TMEM204: variants seen among roughly 807,000 people sequenced by gnomAD.
TMEM204 encodes claudin-like protein 24.
TMEM204 carries 15 observed loss-of-function variants against 19.4 expected under a neutral mutation model. That is an observed-to-expected ratio of 0.77 (90% confidence interval 0.52 to 1.19). The LOEUF is 1.19. TMEM204 is among the 50% of genes most tolerant of loss of function. The pLI is 0.00. For synonymous variants in TMEM204, 161 were observed against 146.0 expected, an observed-to-expected ratio of 1.10 and a Z score of -0.74; for missense variants, 287 against 321.2, an observed-to-expected ratio of 0.89 and a Z score of 0.81.
chr16:1,536,039 G>A (rs1229863436), intron 1 of TMEM204, among the ~76,000 whole-genome samples: 2 of 152,230 alleles, frequency 1.3e-5, no homozygotes, highest in African/African-American at 4.8e-5. Flanking sequence ...CTGGAGGTGG[G>A]GCCGGGCGCT....
intron 2 of TMEM204, among the ~76,000 whole-genome samples, chr16:1,543,654 G>A (rs1231877723): frequency 6.6e-6 from 1 of 152,212 alleles, no homozygotes; most frequent in Admixed American, 6.5e-5. Context: ...CTGTAAGAAC[G>A]AATGAGACAG....
At chr16:1,531,577 C>T (rs2030497611), upstream of TMEM204, 1 of 152,288 alleles carries the variant, frequency 6.6e-6, no homozygotes, top group African/African-American at 2.4e-5. The surrounding 1 kb of genome is among the most constrained non-coding windows in gnomAD (Gnocchi z 4.7). Flanking sequence ...CACCGCCCAG[C>T]TGCGAGTCCC....
Position 1,553,204 on chromosome 16 carries a change from G to T in TMEM204, c.437-1578G>T, listed in dbSNP as rs1355740839. 2 of 981,796 alleles carry T rather than the reference G, an allele frequency of 2.0e-6. No homozygotes were observed. Among genetic ancestry groups the T allele is most frequent in the East Asian group, 2.3e-4 (2 of 8,808 alleles). 60.8% of individuals were successfully genotyped at this position (981,796 alleles called of 1,614,324 possible). A position where few individuals can be genotyped will look rare whatever the true frequency, so the allele number is the denominator to read the frequency against. ...TCTGTCTCTCCTTCCCTGTGTCTCT[G>T]TCTCTGTCTCTCTCTGTCTCCATCT... On this transcript the variant is annotated intron_variant, in intron 2 of 2. Transcript: ENST00000566264. This position sits in a 1 kb window ranked among gnomAD's most constrained non-coding sequence, Gnocchi z 4.4.
rs1329922092 is a variant in TMEM204, at chr16:1,553,743, AGGGGATGAGGAG to A, written c.437-1035_437-1024del. The A allele has an allele frequency of 1.7e-6, 2 of 1,150,482 alleles. No homozygotes were observed. Among genetic ancestry groups the A allele is most frequent in the Non-Finnish European group, 2.2e-6 (2 of 920,606 alleles). The allele number at this position is 1,150,482 out of a possible 1,614,324, so 71.3% of individuals were successfully genotyped here. On this transcript the variant is annotated intron_variant, in intron 2 of 2. Coordinates refer to ENST00000566264, the MANE Select transcript of TMEM204 (RefSeq NM_024600.6). This position sits in a 1 kb window ranked among gnomAD's most constrained non-coding sequence, Gnocchi z 4.4. ...TCTGTGGCCACATCCCCATGGCTGT[AGGGGATGAGGAG>A]GGGCAGGGCCATGTGGACAGCCTCT...
Position 1,534,550 on chromosome 16 carries a change from T to C in TMEM204, c.275T>C (p.Val92Ala). ...GGCTTCCAGGAGTCCCGAGGCACCG[T>C]CAAACGTAAGTCCAATTGTTTTCCT... ...AAGFQESRGT[V>A]KLQFDMMRAC... is the part of the protein sequence containing the mutation. The change falls in exon 1 of 3, where the codon GTC becomes GCC. Residue 92 changes from valine (V) to alanine (A), a missense_variant. Val to Ala is a moderately conservative substitution (Grantham distance 64, BLOSUM62 0). Coordinates refer to ENST00000566264, the MANE Select transcript of TMEM204 (RefSeq NM_024600.6). 1 of 1,602,766 alleles carries C rather than the reference T, an allele frequency of 6.2e-7. No homozygotes were observed. Among genetic ancestry groups the C allele is most frequent in the Non-Finnish European group, 8.5e-7 (1 of 1,179,842 alleles).
chr16:1,541,474 G>GC, intron 1 of TMEM204: 2 of 985,384 alleles, frequency 2.0e-6, no homozygotes, highest in Non-Finnish European at 2.4e-6. Flanking sequence ...TGAGGAGCTG[G>GC]CCCCCCGCGG....
At position 1,541,961 on chromosome 16, in the gene TMEM204, G is replaced by C; in HGVS notation, c.321G>C (p.Thr107=). The change falls in exon 2 of 3, where the codon ACG becomes ACC. Residue 107 remains threonine, a synonymous_variant. Coordinates refer to ENST00000566264, the MANE Select transcript of TMEM204 (RefSeq NM_024600.6). ...DMMRACNLVA[T]AALTAGQLTF... ...TGCGCGCCTGCAACCTGGTGGCCAC[G>C]GCCGCGCTCACCGCAGGCCAGCTCA... The C allele has an allele frequency of 1.2e-6, 2 of 1,609,878 alleles. No homozygotes were observed. Among genetic ancestry groups the C allele is most frequent in the Non-Finnish European group, 1.7e-6 (2 of 1,179,260 alleles).
upstream of TMEM204, among the ~76,000 whole-genome samples, chr16:1,529,843 G>A (rs1042037578): frequency 4.6e-5 from 7 of 152,194 alleles, no homozygotes; most frequent in South Asian, 2.1e-4. Flanking sequence ...TCCCCAGAAC[G>A]CTGCTGGGCC....
chr16:1,544,858 C>T (rs1357060320), intron 2 of TMEM204, among the ~76,000 whole-genome samples: 2 of 151,930 alleles, frequency 1.3e-5, no homozygotes, highest in South Asian at 2.1e-4. Context: ...CCGTGTTAGC[C>T]AGGATGGTCT....
intron 1 of TMEM204, chr16:1,541,585 G>A (rs1425114347): frequency 5.0e-6 from 4 of 803,104 alleles, no homozygotes; most frequent in Non-Finnish European, 6.0e-6. Context: ...CCACCCCCAC[G>A]CCAGCGCCTT....
intron 1 of TMEM204, among the ~76,000 whole-genome samples, chr16:1,536,856 C>T (rs1000865726): frequency 6.6e-6 from 1 of 152,248 alleles, no homozygotes; most frequent in Non-Finnish European, 1.5e-5. Flanking sequence ...ATTCGCTGCC[C>T]CCACTCACGT....
At chr16:1,535,600 C>A (rs1297021989) in intron 1 of TMEM204, among the ~76,000 whole-genome samples, 1 of 152,186 alleles carries the variant, frequency 6.6e-6, no homozygotes, top group East Asian at 1.9e-4. Context: ...TGTGCCTCAA[C>A]CACACAGCTC....
chr16:1,545,688 A>C (rs1391022466), intron 2 of TMEM204, among the ~76,000 whole-genome samples: 2 of 152,200 alleles, frequency 1.3e-5, no homozygotes, highest in Non-Finnish European at 2.9e-5. Flanking sequence ...TGCTCATGAA[A>C]GGAGGAAAAG....
Position 1,553,684 on chromosome 16 carries a change from A to C in TMEM204, c.437-1098A>C. 9.3e-7 allele frequency: 1 copy of C among 1,074,300 alleles called. No individual in the cohort carries two copies. Among genetic ancestry groups the C allele is most frequent in the Non-Finnish European group, 1.1e-6 (1 of 879,488 alleles). 66.5% of individuals were successfully genotyped at this position (1,074,300 alleles called of 1,614,324 possible). A position where few individuals can be genotyped will look rare whatever the true frequency, so the allele number is the denominator to read the frequency against. Reference sequence around the variant, plus strand: ...TGGGCAGAAGCGGGGCTGGGGCTGAAGGCTGGCTGGAGGCCCCATGGCCTC... The same window carrying C: ...TGGGCAGAAGCGGGGCTGGGGCTGACGGCTGGCTGGAGGCCCCATGGCCTC... On this transcript the variant is annotated intron_variant, in intron 2 of 2. Transcript: ENST00000566264. The surrounding 1 kb of genome is among the most constrained non-coding windows in gnomAD (Gnocchi z 4.4).
intron 1 of TMEM204, among the ~76,000 whole-genome samples, chr16:1,537,715 G>C (rs1173850802): frequency 1.3e-5 from 2 of 152,222 alleles, no homozygotes; most frequent in Non-Finnish European, 2.9e-5. Flanking sequence ...TCATCTCTCT[G>C]TATTTCGTGC....
At chr16:1,552,904 C>T (rs1434301487) in intron 2 of TMEM204, 2 of 926,584 alleles carry the variant, frequency 2.2e-6, no homozygotes, top group Non-Finnish European at 2.6e-6. Context: ...CCACCCGCCT[C>T]AGCCTCCCAA....
intron 2 of TMEM204, among the ~76,000 whole-genome samples, chr16:1,543,512 G>A (rs1447327733): frequency 6.6e-6 from 1 of 152,230 alleles, no homozygotes; most frequent in Non-Finnish European, 1.5e-5. Context: ...AGAGCACAGG[G>A]CGTGGAGCCT....
upstream of TMEM204, among the ~76,000 whole-genome samples, chr16:1,530,470 C>A (rs1477877682): frequency 6.6e-6 from 1 of 152,206 alleles, no homozygotes; most frequent in Non-Finnish European, 1.5e-5. Context: ...ATTGTGCACA[C>A]CCTCTCCCGA....
chr16:1,546,908 G>A (rs1255136037), intron 2 of TMEM204, among the ~76,000 whole-genome samples: 2 of 152,244 alleles, frequency 1.3e-5, no homozygotes, highest in African/African-American at 4.8e-5. Context: ...ACTTGGGCTA[G>A]CATGAGGAGG....
Sources: allele counts gnomAD v4.1 joint callset (sites outside exome capture counted in the v4.1 genomes callset), GRCh38; gene constraint gnomAD v4.1.1; non-coding constraint Gnocchi (gnomAD v3.1); transcripts MANE v1.5; gene names NCBI Gene and HGNC (gene_info 2026-07-23, HGNC 2026-07-21).